Variants in MFRP observed in about 807,000 individuals in gnomAD.
MFRP encodes membrane frizzled-related protein.
In MFRP, 74 loss-of-function variants were observed where a neutral mutation model predicts 65.8. The observed-to-expected ratio is 1.12, with a 90% confidence interval of 0.93 to 1.36. The LOEUF is 1.36. Among genes scored for constraint, MFRP ranks in the 40% most tolerant of loss-of-function variants. The probability of loss-of-function intolerance (pLI) is 0.00; values close to 1 mark genes in which losing one functional copy is unlikely to be tolerated. For synonymous variants in MFRP, 336 were observed against 288.3 expected (o/e 1.17, Z -1.68); for missense variants, 838 against 736.0 (o/e 1.14, Z -1.60).
rs927210885 is a variant in MFRP, at chr11:119,342,960, G to A, written c.1168C>T (p.His390Tyr). ...GTCCTAAACAGCACAGCCAGCTCAT[G>A]GTGCGAGGAGACGAGGTGGGGGGGT... ...EPPPHLVSSH[H>Y]ELAVLFRTDH... The change falls in exon 10 of 15, where the codon CAT (histidine) becomes TAT (tyrosine). Residue 390 changes from histidine to tyrosine, a missense_variant. Transcript: ENST00000619721. 1.2e-6 allele frequency: 2 copies of A among 1,611,218 alleles called. No homozygotes were observed. The highest frequency in any genetic ancestry group is 1.1e-5 in the South Asian group (1 of 90,680).
rs377284471 is a variant in MFRP, at chr11:119,346,164, G to A, written c.158-5C>T. 1.6e-5 allele frequency: 26 copies of A among 1,583,236 alleles called. No individual in the cohort carries two copies. Among genetic ancestry groups the A allele is most frequent in the African/African-American group, 6.7e-5 (5 of 74,294 alleles). The stretch of plus-strand genomic sequence containing the variant: ...GTAGCCCTCGAGGACGCCGACCTGC[G>A]GGTTGGCAGGTGGGGTTTTGAAAGC... On this transcript the variant is annotated splice_polypyrimidine_tract_variant and splice_region_variant and intron_variant, in intron 2 of 14. Transcript: ENST00000619721.
At chr11:119,344,426 G>A in intron 7 of MFRP, 35 bp from the exon 8 acceptor site, 3 of 1,600,974 alleles carry the variant, frequency 1.9e-6, no homozygotes, top group Non-Finnish European at 2.6e-6. Context: ...GAGTTTGCTA[G>A]GATCTGTGCC....
At chr11:119,345,108 G>T (rs1330683965) in intron 5 of MFRP, 104 bp from the exon 6 acceptor site, 2 of 1,455,472 alleles carry the variant, frequency 1.4e-6, no homozygotes, top group Non-Finnish European at 1.9e-6. Context: ...CCCCAAACTG[G>T]TGACCATGTG....
At position 119,342,743 on chromosome 11, in the gene MFRP, G is replaced by T. The variant is rs560280998; in HGVS notation, c.1256-16C>A. The T allele has an allele frequency of 9.3e-6, 15 of 1,613,522 alleles. No individual in the cohort carries two copies. The African/African-American group carries it at 1.3e-4, about 14-fold the overall frequency. ...CCACAGGGGTCTGCAGGCACAAGGG[G>T]CATGGCAGTGCCCGGGGACATACCT... On this transcript the variant is annotated splice_polypyrimidine_tract_variant and intron_variant, in intron 10 of 14. Coordinates refer to ENST00000619721, the MANE Select transcript of MFRP (RefSeq NM_031433.4).
chr11:119,344,440 A>T, intron 7 of MFRP, 49 bp from the exon 8 acceptor site: 3 of 1,583,796 alleles, frequency 1.9e-6, no homozygotes, highest in Non-Finnish European at 2.6e-6. Context: ...CTGTGCCTCC[A>T]TCCAATAGGG....
intron 10 of MFRP, 62 bp downstream of exon 10, chr11:119,342,811 C>G: frequency 6.2e-7 from 1 of 1,613,130 alleles, no homozygotes; most frequent in South Asian, 1.1e-5. Flanking sequence ...GGGTCCAGAG[C>G]CCTTGTCTGT....
Position 119,341,906 on chromosome 11 carries a change from A to C in MFRP, c.1466T>G (p.Val489Gly). Reference sequence around the variant, plus strand: ...CACCTCCTCCTGGGTGATCATGCCCACCCAGATGTTAGGGAAGGCTGTGGT... The same window carrying C: ...CACCTCCTCCTGGGTGATCATGCCCCCCCAGATGTTAGGGAAGGCTGTGGT... ...YNTTAFPNIW[V>G]GMITQEEVVE... is the part of the protein sequence containing the mutation. The change falls in exon 12 of 15, where the codon GTG becomes GGG. Residue 489 changes from valine (V) to glycine (G), a missense_variant. Physicochemically the swap from Val to Gly is moderately radical, Grantham distance 109. Transcript: ENST00000619721. The C allele has an allele frequency of 6.2e-7, 1 of 1,613,388 alleles. No individual in the cohort carries two copies. The highest frequency in any genetic ancestry group is 8.5e-7 in the Non-Finnish European group (1 of 1,179,826).
Position 119,346,610 on chromosome 11 carries a change from C to A in MFRP, c.-97G>T. 2 of 1,242,112 alleles carry A rather than the reference C, an allele frequency of 1.6e-6. No individual in the cohort carries two copies. Among genetic ancestry groups the A allele is most frequent in the Admixed American group, 1.8e-5 (1 of 56,930 alleles). The allele number at this position is 1,242,112 out of a possible 1,614,324, so 76.9% of individuals were successfully genotyped here. A position where few individuals can be genotyped will look rare whatever the true frequency, so the allele number is the denominator to read the frequency against. ...CACAAACTCCCTGTCAGAGGGGCAG[C>A]CTCTACTACCCGAGGGAAAAGGCTG... On this transcript the variant is annotated 5_prime_UTR_variant, in exon 1 of 15. Transcript: ENST00000619721.
rs1950528327 is a variant in MFRP at position 119,343,821 on chromosome 11, C to T, written c.1119G>A (p.Leu373=). The change falls in exon 9 of 15, where the codon CTG becomes CTA. Residue 373 remains leucine (L), a synonymous_variant. Coordinates refer to ENST00000619721, the MANE Select transcript of MFRP (RefSeq NM_031433.4). ...CTCTTCCCTGGCTCCTGTACCTGCC[C>T]AGGAGGCTGAAGGCCCCTGAGCTGC... The part of the protein sequence containing the change: ...ETSSSGAFSL[L]GRFCGAEPPP... The T allele has an allele frequency of 1.2e-6, 2 of 1,613,754 alleles. No homozygotes were observed. Among genetic ancestry groups the T allele is most frequent in the Admixed American group, 1.7e-5 (1 of 60,008 alleles).
rs745601323 is a variant in MFRP, at chr11:119,344,702, G to C, written c.828C>G (p.Asp276Glu). 3 of 1,614,086 alleles carry C rather than the reference G, an allele frequency of 1.9e-6. No individual in the cohort carries two copies. The South Asian group carries it at 3.3e-5, about 18-fold the overall frequency. The change falls in exon 7 of 15, where the codon GAC (aspartate) becomes GAG (glutamate). Residue 276 changes from aspartate to glutamate, a missense_variant. Asp to Glu is a conservative substitution (Grantham distance 45, BLOSUM62 2). Coordinates refer to ENST00000619721, the MANE Select transcript of MFRP (RefSeq NM_031433.4). ...AGTTGGCAAAACCATCACACACTGA[G>C]TCAGGTAGCAGGCAGATGAGCTGGT... is the stretch of plus-strand genomic sequence containing the variant. ...RCDQLICLLP[D>E]SVCDGFANCA...
At position 119,341,298 on chromosome 11, in the gene MFRP, G is replaced by C; in HGVS notation, c.*250C>G. ...AAAGGGGAAGAGGCCTGGATGGGAA[G>C]TGGTCTCGATTGTCCGGTGGCACAG... is the stretch of plus-strand genomic sequence containing the variant. On this transcript the variant is annotated 3_prime_UTR_variant, in exon 13 of 15. Coordinates refer to ENST00000619721, the MANE Select transcript of MFRP (RefSeq NM_031433.4). 3.6e-6 allele frequency: 2 copies of C among 556,808 alleles called. No individual in the cohort carries two copies. The highest frequency in any genetic ancestry group is 4.6e-5 in the South Asian group (2 of 43,056). The allele number at this position is 556,808 out of a possible 1,614,324, so 34.5% of individuals were successfully genotyped here. A position where few individuals can be genotyped will look rare whatever the true frequency, so the allele number is the denominator to read the frequency against.
chr11:119,345,185 T>C lies in MFRP; in HGVS notation c.642-181A>G, dbSNP rs535023656. On this transcript the variant is annotated intron_variant, in intron 5 of 14. Coordinates refer to ENST00000619721, the MANE Select transcript of MFRP (RefSeq NM_031433.4). ...CCTAGCACCTGCACATTTATCCTTG[T>C]AGCATCTACTCATGGGGAGATAGGC... 4.0e-4 allele frequency among the ~76,000 whole-genome samples: 61 copies of C among 152,298 alleles called. No individual in the cohort carries two copies. In the South Asian group the frequency reaches 0.01, roughly 26 times the overall value.
Position 119,344,768 on chromosome 11 carries a change from G to A in MFRP, c.773-11C>T. ...CATGGGCACAGCTCCCTGGATGTGG[G>A]CACCAGGAGTCAGGGAGGCCCGGAG... On this transcript the variant is annotated splice_polypyrimidine_tract_variant and intron_variant, in intron 6 of 14. Transcript: ENST00000619721. The A allele has an allele frequency of 6.2e-7, 1 of 1,613,902 alleles. No individual in the cohort carries two copies. The highest frequency in any genetic ancestry group is 8.5e-7 in the Non-Finnish European group (1 of 1,180,020).
At chr11:119,343,134 G>T in intron 9 of MFRP, 131 bp from the exon 10 acceptor site, 2 of 1,165,246 alleles carry the variant, frequency 1.7e-6, no homozygotes, top group Non-Finnish European at 2.4e-6. Context: ...ACAGGGTTAG[G>T]GTCTGGCGAG....
chr11:119,344,183 T>TC, intron 8 of MFRP, 132 bp downstream of exon 8: 1 of 997,400 alleles, frequency 1.0e-6, no homozygotes, highest in Non-Finnish European at 1.6e-6. Flanking sequence ...TATTCCCCCA[T>TC]CCCCCGTCTG....
In MFRP at chr11:119,343,954, C is replaced by T. The variant is rs1950530347; in HGVS notation, c.986G>A (p.Trp329Ter). ...QQYPHQLLCT[W>*]HISVPAGHSI... ...GTGTCCGGCAGGCACCGAGATATGCCAGGTGCAGAGCTGGGGGAGGGCATA... is the reference window on the plus strand; with the variant it reads ...GTGTCCGGCAGGCACCGAGATATGCTAGGTGCAGAGCTGGGGGAGGGCATA... The change falls in exon 9 of 15, where the codon TGG becomes TAG. Residue 329 changes from tryptophan (W) to a stop codon, truncating the protein, a stop_gained. Transcript: ENST00000619721. LOFTEE classifies it high-confidence loss of function. The T allele has an allele frequency of 6.2e-7, 1 of 1,612,970 alleles. No homozygotes were observed. The highest frequency in any genetic ancestry group is 8.5e-7 in the Non-Finnish European group (1 of 1,179,998).
At position 119,341,494 on chromosome 11, in the gene MFRP, G is replaced by C. The variant is rs1950501874; in HGVS notation, c.*54C>G. On this transcript the variant is annotated 3_prime_UTR_variant, in exon 13 of 15. Coordinates refer to ENST00000619721, the MANE Select transcript of MFRP (RefSeq NM_031433.4). ...CCTTCCTTTGTTCCCCTGCGTGCCA[G>C]CCCTGACCGGCAAAAGAGGACGGGC... is the stretch of plus-strand genomic sequence containing the variant. 4.7e-6 allele frequency: 7 copies of C among 1,475,098 alleles called. No individual in the cohort carries two copies. Among genetic ancestry groups the C allele is most frequent in the Middle Eastern group, 2.1e-4 (1 of 4,732 alleles). The allele number at this position is 1,475,098 out of a possible 1,614,324, so 91.4% of individuals were successfully genotyped here.
chr11:119,343,347 CA>C (rs34146645), intron 9 of MFRP, among the ~76,000 whole-genome samples: 3 of 152,024 alleles, frequency 2.0e-5, no homozygotes, highest in African/African-American at 4.8e-5. Context: ...CTTGTCTTTA[CA>C]AAAAAATTAA....
intron 5 of MFRP, 67 bp from the exon 6 acceptor site, chr11:119,345,071 T>C (rs1950546717): frequency 6.4e-7 from 1 of 1,559,506 alleles, no homozygotes; most frequent in Non-Finnish European, 8.7e-7. Flanking sequence ...GGAGCTTGCC[T>C]GGGCCTTGCA....
Sources: gnomAD v4.1 joint callset for allele counts (sites outside exome capture counted in the v4.1 genomes callset) on GRCh38, gnomAD v4.1.1 for gene constraint, MANE v1.5 for transcripts, NCBI Gene and HGNC (gene_info 2026-07-23, HGNC 2026-07-21) for gene names.